Variants in FHIT observed in about 807,000 individuals in gnomAD.
FHIT encodes the protein bis(5'-adenosyl)-triphosphatase.
FHIT carries 19 observed loss-of-function variants against 17.9 expected under a neutral mutation model. The ratio of observed to expected loss-of-function variants is 1.06; its 90% CI spans 0.74 to 1.56. FHIT has a LOEUF of 1.56. FHIT is among the 40% of genes most tolerant of loss of function. The probability of loss-of-function intolerance (pLI) is 0.00; values close to 1 mark genes in which losing one functional copy is unlikely to be tolerated. For missense variants in FHIT, 248 were observed against 189.2 expected, an observed-to-expected ratio of 1.31 and a Z score of -1.82; for synonymous variants, 81 against 69.7, an observed-to-expected ratio of 1.16 and a Z score of -0.81.
At chr3:60,748,799 G>A (rs1553716058) in intron 4 of FHIT, among the ~76,000 whole-genome samples, 1 of 151,998 alleles carries the variant, frequency 6.6e-6, no homozygotes. Flanking sequence ...GCAACAGAGT[G>A]AACTCCATCT....
At chr3:60,647,741 C>A (rs554828118) in intron 4 of FHIT, among the ~76,000 whole-genome samples, 1 of 152,230 alleles carries the variant, frequency 6.6e-6, no homozygotes, top group Non-Finnish European at 1.5e-5. Flanking sequence ...TTATAGCCAA[C>A]CTTTGTTCCA....
At chr3:60,494,159 G>A (rs1186083491) in intron 5 of FHIT, among the ~76,000 whole-genome samples, 1 of 152,100 alleles carries the variant, frequency 6.6e-6, no homozygotes, top group Non-Finnish European at 1.5e-5. Flanking sequence ...TTTCCAGAAT[G>A]TTTTCATCAT....
intron 4 of FHIT, among the ~76,000 whole-genome samples, chr3:60,745,287 G>A (rs1268326817): frequency 6.6e-6 from 1 of 152,194 alleles, no homozygotes; most frequent in Non-Finnish European, 1.5e-5. Context: ...AAAGCCAGGG[G>A]AAAAGCATCA....
intron 5 of FHIT, among the ~76,000 whole-genome samples, chr3:60,391,740 A>C (rs1701242119): frequency 6.6e-6 from 1 of 152,134 alleles, no homozygotes; most frequent in African/African-American, 2.4e-5. Flanking sequence ...TATGATGTTC[A>C]TACAATGATG....
chr3:60,890,448 C>A (rs563043187), intron 3 of FHIT, among the ~76,000 whole-genome samples: 1 of 152,138 alleles, frequency 6.6e-6, no homozygotes, highest in African/African-American at 2.4e-5. Flanking sequence ...AATTCCTGAC[C>A]TACAGAACCT....
intron 7 of FHIT, among the ~76,000 whole-genome samples, chr3:59,979,449 T>C (rs1708554473): frequency 6.6e-6 from 1 of 152,174 alleles, no homozygotes; most frequent in African/African-American, 2.4e-5. Flanking sequence ...GGAGACCTTA[T>C]AAAAATTACT....
chr3:61,144,964 C>G (rs1432099574), intron 2 of FHIT, among the ~76,000 whole-genome samples: 3 of 152,132 alleles, frequency 2.0e-5, no homozygotes, highest in Non-Finnish European at 4.4e-5. Context: ...TCAACAGATG[C>G]AAAATTTTCT....
intron 5 of FHIT, among the ~76,000 whole-genome samples, chr3:60,281,255 C>A (rs1285107474): frequency 2.6e-5 from 4 of 152,100 alleles, no homozygotes; most frequent in African/African-American, 4.8e-5. Context: ...ATACTGTTAT[C>A]GGTTCTTCCC....
At chr3:59,851,200 A>G (rs1456498719) in intron 8 of FHIT, among the ~76,000 whole-genome samples, 1 of 9,864 alleles carries the variant, frequency 1.0e-4, no homozygotes, top group African/African-American at 1.7e-4. Flanking sequence ...TGGTGGTAGT[A>G]GAGTGGTGTA....
chr3:61,180,378 G>A (rs1057400723), intron 2 of FHIT, among the ~76,000 whole-genome samples: 5 of 152,202 alleles, frequency 3.3e-5, no homozygotes, highest in Non-Finnish European at 7.3e-5. Context: ...AGAAACACCA[G>A]TACTGATTAG....
rs781608497 is a variant in FHIT at position 60,009,163 on chromosome 3, T to TTGTGTG, written c.279+2207_279+2208insCACACA. Among the ~76,000 whole-genome samples, 47 of 128,878 alleles carry TTGTGTG rather than the reference T, an allele frequency of 3.6e-4. 2 individuals carry two copies. Among genetic ancestry groups the TTGTGTG allele is most frequent in the East Asian group, 2.8e-3 (11 of 3,910 alleles). 84.5% of individuals were successfully genotyped at this position (128,878 alleles called of 152,430 possible). A position where few individuals can be genotyped will look rare whatever the true frequency, so the allele number is the denominator to read the frequency against. ...GGAACCTTCATTGTTCTCTGGGATT[T>TTGTGTG]TATGTGTGTGTGTGTGTGTGTGTGT... On this transcript the variant is annotated intron_variant, in intron 7 of 9. Coordinates refer to ENST00000492590, the MANE Select transcript of FHIT (RefSeq NM_002012.4).
At chr3:59,918,617 T>C (rs953716123) in intron 8 of FHIT, among the ~76,000 whole-genome samples, 1 of 152,124 alleles carries the variant, frequency 6.6e-6, no homozygotes, top group Non-Finnish European at 1.5e-5. Context: ...CAGAAGATCC[T>C]GGGGAATAGT....
chr3:60,747,276 T>C lies in FHIT; in HGVS notation c.-18+74643A>G, dbSNP rs138996123. Among the ~76,000 whole-genome samples the C allele has an allele frequency of 6.9e-3, 1,044 of 152,274 alleles. 11 individuals carry two copies. The highest frequency in any genetic ancestry group is 0.024 in the African/African-American group (981 of 41,558). The stretch of plus-strand genomic sequence containing the variant: ...TTCCTCGGATCTGTTTAGACATAAC[T>C]TCCTCAGGATGCCATCCTGAATTCT... On this transcript the variant is annotated intron_variant, in intron 4 of 9. Transcript: ENST00000492590.
chr3:60,498,163 C>A (rs2034378923), intron 5 of FHIT, among the ~76,000 whole-genome samples: 1 of 152,144 alleles, frequency 6.6e-6, no homozygotes, highest in Admixed American at 6.5e-5. Context: ...CCAAGATGGA[C>A]AGCAAAAATG....
At chr3:60,367,422 G>A (rs6780146) in intron 5 of FHIT, among the ~76,000 whole-genome samples, 18,317 of 152,014 alleles carry the variant, frequency 0.12, 1,566 homozygotes, top group East Asian at 0.26. Flanking sequence ...TTTATTAAAC[G>A]GGAGTTTTTG....
At chr3:60,638,681 T>A (rs1180492981) in intron 4 of FHIT, among the ~76,000 whole-genome samples, 1 of 152,120 alleles carries the variant, frequency 6.6e-6, no homozygotes, top group Admixed American at 6.5e-5. Context: ...ATGCTCCCTA[T>A]GATATATTAA....
At chr3:60,166,432 T>C (rs148714046) in intron 5 of FHIT, among the ~76,000 whole-genome samples, 1 of 152,172 alleles carries the variant, frequency 6.6e-6, no homozygotes, top group Non-Finnish European at 1.5e-5. Flanking sequence ...TTGTCCTTAT[T>C]ATAAACATAC....
At chr3:60,013,591 TAA>T (rs1700222351) in intron 6 of FHIT, among the ~76,000 whole-genome samples, 1 of 152,152 alleles carries the variant, frequency 6.6e-6, no homozygotes, top group East Asian at 1.9e-4. Context: ...CATCTTGAAT[TAA>T]AGACAGACAA....
chr3:61,042,459 G>C (rs1166294196), intron 2 of FHIT, among the ~76,000 whole-genome samples: 2 of 152,062 alleles, frequency 1.3e-5, no homozygotes, highest in African/African-American at 2.4e-5. Context: ...GCCATGAGCT[G>C]ATTATTTTTA....
Sources: gnomAD v4.1 joint callset for allele counts (sites outside exome capture counted in the v4.1 genomes callset) on GRCh38, gnomAD v4.1.1 for gene constraint, MANE v1.5 for transcripts, NCBI Gene and HGNC (gene_info 2026-07-23, HGNC 2026-07-21) for gene names.